CDK14: variants seen among roughly 807,000 people sequenced by gnomAD.
The protein encoded by CDK14 is cyclin dependent kinase 14.
A neutral mutation model predicts 60.7 loss-of-function variants in CDK14; 34 were observed. The ratio of observed to expected loss-of-function variants is 0.56; its 90% CI spans 0.43 to 0.75. CDK14 has a LOEUF of 0.75. Ranked by LOEUF, CDK14 falls within the 30% of genes least tolerant of loss-of-function variation. The probability of loss-of-function intolerance (pLI) is 0.00; values close to 1 mark genes in which losing one functional copy is unlikely to be tolerated. For missense variants in CDK14, 482 were observed against 564.1 expected (o/e 0.85, Z 1.47); for synonymous variants, 197 against 203.7 (o/e 0.97, Z 0.28).
Position 91,091,422 on chromosome 7 carries a change from A to G in CDK14, c.1154+11942A>G, listed in dbSNP as rs1163792523. Among the ~76,000 whole-genome samples the G allele has an allele frequency of 4.2e-5, 6 of 143,338 alleles. No individual in the cohort carries two copies. In the East Asian group the frequency reaches 1.2e-3, roughly 28 times the overall value. 94.0% of individuals were successfully genotyped at this position (143,338 alleles called of 152,430 possible). ...GTATATAAATTGTATATACATATAT[A>G]CATATATAATTTATATACACATATG... On this transcript the variant is annotated intron_variant, in intron 12 of 14. Transcript: ENST00000380050.
intron 1 of CDK14, chr7:90,597,093 A>T (rs1330198500): frequency 9.4e-6 from 2 of 212,202 alleles, no homozygotes; most frequent in Non-Finnish European, 1.9e-5. Context: ...AGGCTTGGAT[A>T]TTGGGCGTTT....
At chr7:90,935,078 G>T (rs1305674805) in intron 8 of CDK14, among the ~76,000 whole-genome samples, 1 of 152,238 alleles carries the variant, frequency 6.6e-6, no homozygotes, top group Non-Finnish European at 1.5e-5. Flanking sequence ...CCTTCTTGCT[G>T]TGTCATCCAA....
chr7:90,894,490 C>T (rs533833821), intron 6 of CDK14, among the ~76,000 whole-genome samples: 1 of 152,076 alleles, frequency 6.6e-6, no homozygotes, highest in Non-Finnish European at 1.5e-5. Flanking sequence ...TTAAGTTTTC[C>T]CAGATCTCAT....
At chr7:90,971,081 C>G (rs1584184105) in intron 9 of CDK14, among the ~76,000 whole-genome samples, 1 of 151,824 alleles carries the variant, frequency 6.6e-6, no homozygotes, top group East Asian at 1.9e-4. Flanking sequence ...GCTCCCCCCA[C>G]CCCACAACAG....
At chr7:91,107,618 T>C (rs1478567396) in intron 12 of CDK14, 1 of 152,132 alleles carries the variant, frequency 6.6e-6, no homozygotes, top group East Asian at 1.9e-4. Context: ...AGAGCTCTAG[T>C]GTTCGTTGTC....
chr7:91,187,043 A>G (rs1028847633), intron 14 of CDK14, among the ~76,000 whole-genome samples: 1 of 152,254 alleles, frequency 6.6e-6, no homozygotes, highest in African/African-American at 2.4e-5. Context: ...TTAAATTATT[A>G]AAAACAGTAC....
intron 6 of CDK14, among the ~76,000 whole-genome samples, chr7:90,872,414 G>A (rs1231270378): frequency 6.6e-6 from 1 of 152,156 alleles, no homozygotes; most frequent in Admixed American, 6.5e-5. Flanking sequence ...GAATGTGCAG[G>A]CAGTGTAAGA....
chr7:91,056,670 G>T (rs575120976), intron 11 of CDK14, among the ~76,000 whole-genome samples: 2 of 147,336 alleles, frequency 1.4e-5, no homozygotes, highest in African/African-American at 5.0e-5. Flanking sequence ...TTGGTTTTTT[G>T]TCTTTGCGAT....
chr7:90,671,764 G>A (rs1262280010), intron 2 of CDK14, among the ~76,000 whole-genome samples: 1 of 152,140 alleles, frequency 6.6e-6, no homozygotes. Flanking sequence ...TTTTATGACT[G>A]TTGTGGTTAT....
chr7:90,695,053 T>C (rs1407330993), intron 2 of CDK14, among the ~76,000 whole-genome samples: 1 of 152,204 alleles, frequency 6.6e-6, no homozygotes, highest in East Asian at 1.9e-4. Flanking sequence ...TATGACACCC[T>C]GTTGCCTACA....
chr7:90,844,904 G>A (rs1790416763), intron 5 of CDK14, among the ~76,000 whole-genome samples: 1 of 152,126 alleles, frequency 6.6e-6, no homozygotes, highest in Non-Finnish European at 1.5e-5. Flanking sequence ...TCTCTGTGGA[G>A]CTCTCTCCTT....
intron 10 of CDK14, among the ~76,000 whole-genome samples, chr7:91,041,935 C>T (rs1797103589): frequency 6.6e-6 from 1 of 152,210 alleles, no homozygotes; most frequent in African/African-American, 2.4e-5. Flanking sequence ...CAGAGATCAA[C>T]ATCATCCACT....
intron 3 of CDK14, among the ~76,000 whole-genome samples, chr7:90,742,710 C>T (rs1422476288): frequency 6.6e-6 from 1 of 151,814 alleles, no homozygotes; most frequent in Non-Finnish European, 1.5e-5. Context: ...ATTGGTTTGG[C>T]TGCATGCCAT....
chr7:90,647,489 TG>T (rs1400913551), intron 2 of CDK14, among the ~76,000 whole-genome samples: 1 of 141,226 alleles, frequency 7.1e-6, no homozygotes. Context: ...CTAAAGAGAC[TG>T]GTTAGTTTTA....
chr7:90,807,612 C>T (rs1338833051), intron 5 of CDK14, among the ~76,000 whole-genome samples: 1 of 152,148 alleles, frequency 6.6e-6, no homozygotes, highest in Non-Finnish European at 1.5e-5. Flanking sequence ...CAAAGCTGGA[C>T]AGAGAATGAC....
chr7:90,853,530 A>C (rs1259605217), intron 5 of CDK14, among the ~76,000 whole-genome samples: 1 of 152,036 alleles, frequency 6.6e-6, no homozygotes, highest in Non-Finnish European at 1.5e-5. Context: ...ACACAAACAC[A>C]CACACACACT....
intron 11 of CDK14, among the ~76,000 whole-genome samples, chr7:91,066,201 G>T (rs1248869998): frequency 6.6e-6 from 1 of 152,106 alleles, no homozygotes; most frequent in Non-Finnish European, 1.5e-5. Flanking sequence ...AATTTCATGT[G>T]GCATTTAGAT....
intron 6 of CDK14, among the ~76,000 whole-genome samples, chr7:90,868,892 G>A (rs373766930): frequency 9.9e-5 from 15 of 152,152 alleles, no homozygotes; most frequent in African/African-American, 3.6e-4. Context: ...GCCTAAAGAT[G>A]CCAGTTACTC....
In CDK14 at chr7:91,208,949, A is replaced by G. The variant is rs774206104; in HGVS notation, c.*1813A>G. 5.2e-5 allele frequency: 8 copies of G among 152,632 alleles called. No individual in the cohort carries two copies. The highest frequency in any genetic ancestry group is 1.2e-4 in the Non-Finnish European group (8 of 68,040). The allele number at this position is 152,632 out of a possible 1,614,324, so 9.5% of individuals were successfully genotyped here. A position where few individuals can be genotyped will look rare whatever the true frequency, so the allele number is the denominator to read the frequency against. The stretch of plus-strand genomic sequence containing the variant: ...TAGAAATCTTTTCCATTCCTCTTTC[A>G]TACATTCCAACCCACTGGAAGTCTT... On this transcript the variant is annotated 3_prime_UTR_variant, in exon 15 of 15. Coordinates refer to ENST00000380050, the MANE Select transcript of CDK14 (RefSeq NM_001287135.2).
Sources: gnomAD v4.1 joint callset for allele counts (sites outside exome capture counted in the v4.1 genomes callset) on GRCh38, gnomAD v4.1.1 for gene constraint, MANE v1.5 for transcripts, NCBI Gene and HGNC (gene_info 2026-07-23, HGNC 2026-07-21) for gene names.